The following PLCL1 variants were observed in gnomAD, a reference collection of about 807,000 sequenced individuals.
The protein encoded by PLCL1 is inactive phospholipase C-like protein 1.
In PLCL1, 41 loss-of-function variants were observed where a neutral mutation model predicts 84.4. The observed-to-expected ratio is 0.49, with a 90% CI of 0.38 to 0.63. The LOEUF (loss-of-function observed/expected upper bound fraction) is 0.63. Ranked by LOEUF, PLCL1 falls within the 30% of genes least tolerant of loss-of-function variation. The probability of loss-of-function intolerance (pLI) is 0.00; values close to 1 mark genes in which losing one functional copy is unlikely to be tolerated. For synonymous variants in PLCL1, 490 were observed against 488.3 expected (o/e 1.00, Z -0.05); for missense variants, 1,206 against 1,367.8 (o/e 0.88, Z 1.87).
chr2:198,078,328 A>G (rs1023399411), intron 1 of PLCL1, among the ~76,000 whole-genome samples: 2 of 152,148 alleles, frequency 1.3e-5, no homozygotes, highest in Non-Finnish European at 2.9e-5. Context: ...TCTAGATTGT[A>G]TATTGTCTAC....
At chr2:197,898,619 T>C (rs866938618) in intron 1 of PLCL1, among the ~76,000 whole-genome samples, 23 of 151,822 alleles carry the variant, frequency 1.5e-4, no homozygotes, top group African/African-American at 5.3e-4. Context: ...ATCTGACAAG[T>C]ACCTGTTCAT....
rs548484457 is a variant in PLCL1, at chr2:197,880,442, A to C, written c.240+75103A>C. ...CATCTATTTTTATGTGAAAAGTAAAAATGAGATGATCTGAAAGAGTTAATT... is the reference window on the plus strand; with the variant it reads ...CATCTATTTTTATGTGAAAAGTAAACATGAGATGATCTGAAAGAGTTAATT... On this transcript the variant is annotated intron_variant, in intron 1 of 5. Coordinates refer to ENST00000428675, the MANE Select transcript of PLCL1 (RefSeq NM_006226.4). Among the ~76,000 whole-genome samples, 5 of 152,130 alleles carry C rather than the reference A, an allele frequency of 3.3e-5. No individual in the cohort carries two copies. In the South Asian group the frequency reaches 1.0e-3, roughly 32 times the overall value.
chr2:198,094,342 T>G (rs1259094167), intron 3 of PLCL1, among the ~76,000 whole-genome samples: 2 of 152,194 alleles, frequency 1.3e-5, no homozygotes, highest in African/African-American at 2.4e-5. Flanking sequence ...ATTACAGGTG[T>G]GAGCCACCGT....
At chr2:198,022,939 A>C (rs1691174279) in intron 1 of PLCL1, among the ~76,000 whole-genome samples, 1 of 152,238 alleles carries the variant, frequency 6.6e-6, no homozygotes, top group Non-Finnish European at 1.5e-5. Flanking sequence ...CGGTATAGCC[A>C]AGACAATTCT....
intron 1 of PLCL1, among the ~76,000 whole-genome samples, chr2:198,062,022 A>G (rs1037381016): frequency 9.9e-5 from 15 of 152,196 alleles, no homozygotes; most frequent in African/African-American, 3.1e-4. Flanking sequence ...ACTTTAATAA[A>G]TGACGGCTCC....
chr2:198,050,167 G>A (rs929911180), intron 1 of PLCL1, among the ~76,000 whole-genome samples: 1 of 152,184 alleles, frequency 6.6e-6, no homozygotes, highest in African/African-American at 2.4e-5. Flanking sequence ...TTGCCTGGTT[G>A]GAGCATGGAA....
At chr2:197,814,662 A>G (rs1461529433) in intron 1 of PLCL1, among the ~76,000 whole-genome samples, 1 of 152,184 alleles carries the variant, frequency 6.6e-6, no homozygotes, top group East Asian at 1.9e-4. Flanking sequence ...ATAGGCTGAA[A>G]GGTAGGCCTT....
At chr2:197,892,007 T>C (rs1355936587) in intron 1 of PLCL1, among the ~76,000 whole-genome samples, 1 of 152,216 alleles carries the variant, frequency 6.6e-6, no homozygotes, top group Non-Finnish European at 1.5e-5. Flanking sequence ...CTTTATGATC[T>C]TAAGACTTCA....
In PLCL1 at chr2:197,936,458, G is replaced by A. The variant is rs2203784; in HGVS notation, c.240+131119G>A. On this transcript the variant is annotated intron_variant, in intron 1 of 5. Coordinates refer to ENST00000428675, the MANE Select transcript of PLCL1 (RefSeq NM_006226.4). ...ACAATAACTATTCTAATGGGCATGAGGTAATATCTTATTTTGGTTTAATTT... is the reference window on the plus strand; with the variant it reads ...ACAATAACTATTCTAATGGGCATGAAGTAATATCTTATTTTGGTTTAATTT... 2.0e-5 allele frequency among the ~76,000 whole-genome samples: 3 copies of A among 152,094 alleles called. No individual in the cohort carries two copies. In the East Asian group the frequency reaches 5.8e-4, roughly 29 times the overall value.
At chr2:197,867,263 A>T (rs1687566505) in intron 1 of PLCL1, among the ~76,000 whole-genome samples, 1 of 152,078 alleles carries the variant, frequency 6.6e-6, no homozygotes, top group South Asian at 2.1e-4. Context: ...CTTTCTCCCT[A>T]AATCTTCTAC....
chr2:197,804,888 T>A lies in PLCL1; in HGVS notation c.-212T>A, dbSNP rs902161939. The A allele has an allele frequency of 3.6e-5, 18 of 502,146 alleles. No homozygotes were observed. Among genetic ancestry groups the A allele is most frequent in the Non-Finnish European group, 5.1e-5 (15 of 294,910 alleles). 31.1% of individuals were successfully genotyped at this position (502,146 alleles called of 1,614,324 possible). A position where few individuals can be genotyped will look rare whatever the true frequency, so the allele number is the denominator to read the frequency against. ...GTCCCCCGCCGGACTGCTAGCCTCCTAGACCGAAGCCCGAGGACGTCTCTG... is the reference window on the plus strand; with the variant it reads ...GTCCCCCGCCGGACTGCTAGCCTCCAAGACCGAAGCCCGAGGACGTCTCTG... On this transcript the variant is annotated 5_prime_UTR_variant, in exon 1 of 6. Coordinates refer to ENST00000428675, the MANE Select transcript of PLCL1 (RefSeq NM_006226.4).
At chr2:197,998,803 C>T (rs1377618976) in intron 1 of PLCL1, among the ~76,000 whole-genome samples, 3 of 152,124 alleles carry the variant, frequency 2.0e-5, no homozygotes, top group African/African-American at 4.8e-5. Context: ...GAACTACTTC[C>T]TTACTTCTAT....
rs1690431506 is a variant in PLCL1 at position 197,804,880 on chromosome 2, T to C, written c.-220T>C. On this transcript the variant is annotated 5_prime_UTR_variant, in exon 1 of 6. Transcript: ENST00000428675. ...CCGCCACCGTCCCCCGCCGGACTGC[T>C]AGCCTCCTAGACCGAAGCCCGAGGA... The C allele has an allele frequency of 4.5e-6, 2 of 445,246 alleles. No individual in the cohort carries two copies. Among genetic ancestry groups the C allele is most frequent in the Non-Finnish European group, 7.8e-6 (2 of 256,496 alleles). 27.6% of individuals were successfully genotyped at this position (445,246 alleles called of 1,614,324 possible).
At chr2:197,961,352 C>T (rs753296888) in intron 1 of PLCL1, among the ~76,000 whole-genome samples, 13 of 151,560 alleles carry the variant, frequency 8.6e-5, no homozygotes, top group Admixed American at 2.0e-4. Flanking sequence ...ATTCTTAGAA[C>T]ATTTTCTATT....
chr2:197,892,535 C>T (rs1055010315), intron 1 of PLCL1, among the ~76,000 whole-genome samples: 2 of 152,186 alleles, frequency 1.3e-5, no homozygotes, highest in African/African-American at 4.8e-5. Context: ...CTTCAAGCAA[C>T]AGAAGGCTTG....
At chr2:197,824,978 A>C (rs938469517) in intron 1 of PLCL1, among the ~76,000 whole-genome samples, 4 of 152,114 alleles carry the variant, frequency 2.6e-5, no homozygotes, top group African/African-American at 7.2e-5. Flanking sequence ...ATAAGTAATA[A>C]TTTGGTTAAG....
intron 1 of PLCL1, among the ~76,000 whole-genome samples, chr2:197,981,429 T>C (rs564939836): frequency 1.3e-5 from 2 of 152,368 alleles, no homozygotes; most frequent in African/African-American, 4.8e-5. Flanking sequence ...AAATTCTTAA[T>C]GGAAAAGTTT....
At chr2:197,832,802 C>G (rs1382007290) in intron 1 of PLCL1, among the ~76,000 whole-genome samples, 2 of 152,218 alleles carry the variant, frequency 1.3e-5, no homozygotes, top group African/African-American at 4.8e-5. Context: ...AGCTTATCCA[C>G]CACAATCAAG....
intron 5 of PLCL1, among the ~76,000 whole-genome samples, chr2:198,107,446 T>C (rs990842078): frequency 2.4e-4 from 37 of 151,906 alleles, no homozygotes; most frequent in African/African-American, 8.2e-4. Flanking sequence ...AGCCAAGTTA[T>C]ATAATCTCCC....
Sources: gnomAD v4.1 joint callset for allele counts (sites outside exome capture counted in the v4.1 genomes callset) on GRCh38, gnomAD v4.1.1 for gene constraint, MANE v1.5 for transcripts, NCBI Gene and HGNC (gene_info 2026-07-23, HGNC 2026-07-21) for gene names.